The following SMYD3 variants were observed in gnomAD, a reference collection of about 807,000 sequenced individuals.
SMYD3 encodes histone-lysine N-methyltransferase SMYD3.
A neutral mutation model predicts 57.7 loss-of-function variants in SMYD3; 36 were observed. The observed-to-expected ratio is 0.62, with a 90% CI of 0.48 to 0.82. The LOEUF (loss-of-function observed/expected upper bound fraction) is 0.82, where lower values mean the gene tolerates loss of function less well. SMYD3 is among the 40% of genes least tolerant of loss of function. SMYD3 has a pLI of 0.00. For synonymous variants in SMYD3, 211 were observed against 195.0 expected (o/e 1.08, Z -0.68); for missense variants, 515 against 538.8 (o/e 0.96, Z 0.44).
At chr1:246,173,873 C>T (rs1286378569) in intron 5 of SMYD3, among the ~76,000 whole-genome samples, 3 of 152,116 alleles carry the variant, frequency 2.0e-5, no homozygotes, top group Non-Finnish European at 4.4e-5. Context: ...GTAGCGGGAT[C>T]ATAGCTCACA....
At chr1:246,421,333 T>C (rs1030720923) in intron 1 of SMYD3, among the ~76,000 whole-genome samples, 1 of 152,172 alleles carries the variant, frequency 6.6e-6, no homozygotes, top group Non-Finnish European at 1.5e-5. Flanking sequence ...CCATTACTAA[T>C]TCTGTAAACC....
At chr1:245,892,265 T>C (rs1176527948) in intron 8 of SMYD3, among the ~76,000 whole-genome samples, 1 of 152,192 alleles carries the variant, frequency 6.6e-6, no homozygotes, top group East Asian at 1.9e-4. Context: ...ACCTCCCAAA[T>C]AGACTATTTC....
chr1:246,303,769 C>T (rs2064934801), intron 5 of SMYD3, among the ~76,000 whole-genome samples: 2 of 152,078 alleles, frequency 1.3e-5, no homozygotes, highest in Admixed American at 1.3e-4. Flanking sequence ...TTTAAGTGTA[C>T]ATTCTGGTAC....
At position 246,017,164 on chromosome 1, in the gene SMYD3, CT is replaced by C. The variant is rs767099319; in HGVS notation, c.532-87228del. On this transcript the variant is annotated intron_variant, in intron 5 of 11. Transcript: ENST00000490107. Reference sequence around the variant, plus strand: ...AGCACTGCCACCATTAATTTTTATTCTTTTTTTTTATTTTGAAAGAATCTTA... The same window carrying C: ...AGCACTGCCACCATTAATTTTTATTCTTTTTTTTATTTTGAAAGAATCTTA... Among the ~76,000 whole-genome samples the C allele has an allele frequency of 3.3e-5, 5 of 151,578 alleles. No homozygotes were observed. In the East Asian group the frequency reaches 7.8e-4, roughly 24 times the overall value.
chr1:246,464,281 C>T (rs961603816), intron 1 of SMYD3, among the ~76,000 whole-genome samples: 7 of 152,068 alleles, frequency 4.6e-5, no homozygotes, highest in Non-Finnish European at 1.0e-4. Context: ...TTTGGGAGGC[C>T]GAGGTGGGCA....
chr1:245,851,637 C>T (rs1441439077), intron 10 of SMYD3, among the ~76,000 whole-genome samples: 6 of 152,188 alleles, frequency 3.9e-5, no homozygotes, highest in African/African-American at 7.2e-5. Flanking sequence ...TGGGGCAGGA[C>T]GACAGCTGCA....
At chr1:246,451,562 T>A (rs1171968788) in intron 1 of SMYD3, among the ~76,000 whole-genome samples, 2 of 152,224 alleles carry the variant, frequency 1.3e-5, no homozygotes, top group African/African-American at 2.4e-5. Context: ...GGTGGATACA[T>A]GTCATTACAC....
intron 1 of SMYD3, among the ~76,000 whole-genome samples, chr1:246,393,674 T>A (rs1306500445): frequency 5.4e-5 from 5 of 92,382 alleles, no homozygotes; most frequent in South Asian, 4.2e-4. Flanking sequence ...CCCCCATCTC[T>A]AAAAAAAAAA....
intron 8 of SMYD3, among the ~76,000 whole-genome samples, chr1:245,905,924 G>A (rs2054532298): frequency 6.6e-6 from 1 of 152,204 alleles, no homozygotes; most frequent in African/African-American, 2.4e-5. Context: ...ATGATGCTGG[G>A]AAAACTGGAT....
At chr1:246,415,611 A>G (rs577310467) in intron 1 of SMYD3, among the ~76,000 whole-genome samples, 11 of 152,248 alleles carry the variant, frequency 7.2e-5, no homozygotes, top group African/African-American at 2.4e-4. Flanking sequence ...TTTTTTAAAG[A>G]CCAGTGAACT....
intron 5 of SMYD3, among the ~76,000 whole-genome samples, chr1:246,043,352 T>C (rs76410290): frequency 6.6e-6 from 1 of 152,318 alleles, no homozygotes; most frequent in Non-Finnish European, 1.5e-5. Context: ...GCTCATATGT[T>C]CTGAACATAA....
At chr1:246,359,740 G>A (rs2065959786) in intron 1 of SMYD3, among the ~76,000 whole-genome samples, 1 of 152,092 alleles carries the variant, frequency 6.6e-6, no homozygotes, top group Admixed American at 6.5e-5. Context: ...TGCAGAAAAA[G>A]CATTTGACAA....
At chr1:246,269,916 T>C (rs568285252) in intron 5 of SMYD3, among the ~76,000 whole-genome samples, 1 of 152,238 alleles carries the variant, frequency 6.6e-6, no homozygotes, top group Non-Finnish European at 1.5e-5. Context: ...AGGTTTACCT[T>C]CCCAAGAACC....
intron 5 of SMYD3, among the ~76,000 whole-genome samples, chr1:245,948,214 A>G (rs1454209866): frequency 6.6e-6 from 1 of 152,170 alleles, no homozygotes; most frequent in Non-Finnish European, 1.5e-5. Flanking sequence ...CTTCCTCCAC[A>G]AAGAAGAATC....
intron 5 of SMYD3, among the ~76,000 whole-genome samples, chr1:246,113,234 T>G (rs535654839): frequency 6.9e-6 from 1 of 144,468 alleles, no homozygotes; most frequent in South Asian, 2.2e-4. Flanking sequence ...TAAATAAAAT[T>G]TAATAAAAAG....
intron 5 of SMYD3, among the ~76,000 whole-genome samples, chr1:246,319,844 A>T (rs2065218359): frequency 1.3e-5 from 2 of 152,208 alleles, no homozygotes; most frequent in Admixed American, 1.3e-4. Flanking sequence ...ATTGAGGTAC[A>T]CTGTTCACCA....
chr1:245,980,778 C>A (rs1408384344), intron 5 of SMYD3, among the ~76,000 whole-genome samples: 1 of 152,210 alleles, frequency 6.6e-6, no homozygotes, highest in Non-Finnish European at 1.5e-5. Flanking sequence ...GGAAACAAAT[C>A]CCTACTCCAG....
intron 5 of SMYD3, among the ~76,000 whole-genome samples, chr1:246,168,429 A>G: frequency 6.6e-6 from 1 of 152,176 alleles, no homozygotes; most frequent in East Asian, 1.9e-4. Context: ...GCAAAATATT[A>G]ATTTTTAAAT....
At chr1:245,881,004 T>A (rs1259218465) in intron 8 of SMYD3, among the ~76,000 whole-genome samples, 1 of 91,990 alleles carries the variant, frequency 1.1e-5, no homozygotes, top group Non-Finnish European at 3.6e-5. Flanking sequence ...ATACTTGCCC[T>A]GGGTAGGCGG....
Sources: allele counts gnomAD v4.1 joint callset (sites outside exome capture counted in the v4.1 genomes callset), GRCh38; gene constraint gnomAD v4.1.1; transcripts MANE v1.5; gene names NCBI Gene and HGNC (gene_info 2026-07-23, HGNC 2026-07-21).